The following ACYP2 variants were observed in gnomAD, a reference collection of about 807,000 sequenced individuals.
ACYP2 encodes acylphosphatase-2.
ACYP2 carries 12 observed loss-of-function variants against 11.2 expected under a neutral mutation model. The ratio of observed to expected loss-of-function variants is 1.08; its 90% CI spans 0.69 to 1.74. ACYP2 has a LOEUF of 1.74. ACYP2 is among the 40% of genes most tolerant of loss of function. ACYP2 has a pLI of 0.00. For synonymous variants in ACYP2, 43 were observed against 32.2 expected (o/e 1.33, Z -1.13); for missense variants, 134 against 101.9 (o/e 1.31, Z -1.35).
At chr2:54,040,417 A>G (rs1043374030) in intron 2 of ACYP2, among the ~76,000 whole-genome samples, 1 of 152,148 alleles carries the variant, frequency 6.6e-6, no homozygotes. Context: ...TAGGGGAGAC[A>G]TGCAGACCGG....
At chr2:54,265,191 G>C (rs1007876371) in intron 6 of ACYP2, among the ~76,000 whole-genome samples, 2 of 152,056 alleles carry the variant, frequency 1.3e-5, no homozygotes, top group African/African-American at 4.8e-5. Context: ...ATTTACAAAA[G>C]AAAGAGGTTT....
intron 6 of ACYP2, among the ~76,000 whole-genome samples, chr2:54,299,735 T>C (rs575958437): frequency 6.6e-6 from 1 of 152,236 alleles, no homozygotes; most frequent in South Asian, 2.1e-4. Context: ...GACTGAATTG[T>C]TAAATCTGCC....
At chr2:54,241,885 C>T (rs529779394) in intron 6 of ACYP2, among the ~76,000 whole-genome samples, 1 of 152,200 alleles carries the variant, frequency 6.6e-6, no homozygotes, top group African/African-American at 2.4e-5. Context: ...TGGTGGCAGG[C>T]ACCTATAATC....
At chr2:54,185,477 C>T (rs1396826935) in intron 6 of ACYP2, among the ~76,000 whole-genome samples, 1 of 152,154 alleles carries the variant, frequency 6.6e-6, no homozygotes, top group Non-Finnish European at 1.5e-5. Context: ...CAACAAATCT[C>T]TATTGTTTAA....
At chr2:54,270,733 AT>A (rs1688260362) in intron 6 of ACYP2, among the ~76,000 whole-genome samples, 1 of 152,220 alleles carries the variant, frequency 6.6e-6, no homozygotes, top group African/African-American at 2.4e-5. Flanking sequence ...ACACTGCTTT[AT>A]TCAATTAGTG....
At chr2:54,100,684 T>C (rs965641243) in intron 4 of ACYP2, among the ~76,000 whole-genome samples, 2 of 152,176 alleles carry the variant, frequency 1.3e-5, no homozygotes, top group African/African-American at 2.4e-5. Context: ...ATTTGGTCCA[T>C]GTCAGGAATA....
chr2:54,301,042 C>T (rs1168416635), intron 6 of ACYP2, among the ~76,000 whole-genome samples: 4 of 152,092 alleles, frequency 2.6e-5, no homozygotes, highest in East Asian at 1.9e-4. Context: ...TTTTCTATTG[C>T]ACGGCCATAC....
At chr2:54,217,476 C>T (rs754670053) in intron 6 of ACYP2, among the ~76,000 whole-genome samples, 6 of 152,090 alleles carry the variant, frequency 3.9e-5, no homozygotes, top group Non-Finnish European at 5.9e-5. Flanking sequence ...AAGCGACTTT[C>T]CTACCTTAGC....
At chr2:54,138,283 C>G (rs183537788) in intron 5 of ACYP2, among the ~76,000 whole-genome samples, 31 of 152,022 alleles carry the variant, frequency 2.0e-4, no homozygotes, top group Admixed American at 1.6e-3. Flanking sequence ...GATTTGGAAC[C>G]CAGGTTAACA....
chr2:54,101,354 C>T (rs1447608468), intron 4 of ACYP2, among the ~76,000 whole-genome samples: 2 of 152,044 alleles, frequency 1.3e-5, no homozygotes, highest in South Asian at 2.1e-4. Flanking sequence ...ATTTTCTTCC[C>T]CTTGGGAGAG....
intron 6 of ACYP2, among the ~76,000 whole-genome samples, chr2:54,212,197 GC>G (rs1685355749): frequency 6.6e-6 from 1 of 152,080 alleles, no homozygotes; most frequent in East Asian, 1.9e-4. Flanking sequence ...TATTGCCCAA[GC>G]TTTTATTTAT....
At chr2:54,195,218 T>C (rs1375613402) in intron 6 of ACYP2, among the ~76,000 whole-genome samples, 2 of 152,342 alleles carry the variant, frequency 1.3e-5, no homozygotes, top group African/African-American at 4.8e-5. Context: ...TTAGATTCTA[T>C]GGTATAGAGG....
At chr2:54,276,619 TCACA>T (rs3071186) in intron 6 of ACYP2, among the ~76,000 whole-genome samples, 5,464 of 146,146 alleles carry the variant, frequency 0.037, 151 homozygotes, top group African/African-American at 0.079. Context: ...GATTGTTCTT[TCACA>T]CACACACACA....
chr2:54,201,640 T>TTTTCTTTCTTTCTTTCTTTGTTTC (rs1684811923), intron 6 of ACYP2, among the ~76,000 whole-genome samples: 1 of 60,662 alleles, frequency 1.6e-5, no homozygotes, highest in Non-Finnish European at 3.7e-5. Context: ...TTCTTTCTCT[T>TTTTCTTTCTTTCTTTCTTTGTTTC]TCTTTCTTTC....
chr2:54,044,333 G>T (rs1675401215), intron 2 of ACYP2, among the ~76,000 whole-genome samples: 1 of 152,136 alleles, frequency 6.6e-6, no homozygotes, highest in South Asian at 2.1e-4. Context: ...GGTGGCTCAT[G>T]CCTGTAATCC....
intron 6 of ACYP2, among the ~76,000 whole-genome samples, chr2:54,145,406 G>T (rs1047291143): frequency 7.9e-5 from 12 of 152,184 alleles, no homozygotes; most frequent in African/African-American, 2.9e-4. Flanking sequence ...GCTGGGGCAA[G>T]CAGTCCTAGG....
intron 6 of ACYP2, among the ~76,000 whole-genome samples, chr2:54,205,896 T>C (rs151128251): frequency 3.5e-4 from 54 of 152,346 alleles, no homozygotes; most frequent in African/African-American, 1.1e-3. Flanking sequence ...TATCAATAAT[T>C]ATGAATAATG....
chr2:54,091,222 ATAAC>A (rs1208682975), intron 4 of ACYP2, among the ~76,000 whole-genome samples: 7 of 152,210 alleles, frequency 4.6e-5, no homozygotes, highest in Non-Finnish European at 5.9e-5. Flanking sequence ...CATCTAAACT[ATAAC>A]TAAGTTGGAG....
Position 54,086,433 on chromosome 2 carries a change from G to T in ACYP2, c.277+29073G>T, listed in dbSNP as rs910375202. 2.0e-5 allele frequency among the ~76,000 whole-genome samples: 3 copies of T among 152,314 alleles called. No homozygotes were observed. The South Asian group carries it at 6.2e-4, about 32-fold the overall frequency. On this transcript the variant is annotated intron_variant, in intron 4 of 6. Coordinates refer to ENST00000607452, the MANE Select transcript of ACYP2 (RefSeq NM_001320586.2). ...GGGAGAGGGAGAGCCAAAGGTGGCT[G>T]TTCCCTTGGCTCATGAGTCTCACAA... is the stretch of plus-strand genomic sequence containing the variant.
Sources: gnomAD v4.1 joint callset for allele counts (sites outside exome capture counted in the v4.1 genomes callset) on GRCh38, gnomAD v4.1.1 for gene constraint, MANE v1.5 for transcripts, NCBI Gene and HGNC (gene_info 2026-07-23, HGNC 2026-07-21) for gene names.